RSPO2: variants seen among roughly 807,000 people sequenced by gnomAD.
RSPO2 encodes R-spondin 2, also known as R-spondin-2.
RSPO2 carries 14 observed loss-of-function variants against 30.9 expected under a neutral mutation model. The ratio of observed to expected loss-of-function variants is 0.45; its 90% CI spans 0.30 to 0.71. The LOEUF (loss-of-function observed/expected upper bound fraction) is 0.71, where lower values mean the gene tolerates loss of function less well. RSPO2 is among the 30% of genes least tolerant of loss of function. The pLI is 0.08. For missense variants in RSPO2, 264 were observed against 301.9 expected (o/e 0.87, Z 0.93); for synonymous variants, 107 against 96.4 (o/e 1.11, Z -0.64).
intron 2 of RSPO2, among the ~76,000 whole-genome samples, chr8:108,014,610 C>T (rs559979526): frequency 4.6e-5 from 7 of 151,972 alleles, no homozygotes; most frequent in South Asian, 4.2e-4. Flanking sequence ...AACTAAACAC[C>T]GCATGTTCTC....
intron 3 of RSPO2, among the ~76,000 whole-genome samples, chr8:107,982,009 C>CAAAAAAAAAAAAAAAAAAAA (rs372977834): frequency 1.6e-4 from 9 of 55,334 alleles, no homozygotes; most frequent in African/African-American, 3.2e-4. Context: ...ACAACAACAA[C>CAAAAAAAAAAAAAAAAAAAA]AAAAAAAAAA....
intron 3 of RSPO2, among the ~76,000 whole-genome samples, chr8:107,980,525 AT>A (rs1814389664): frequency 6.6e-6 from 1 of 152,222 alleles, no homozygotes; most frequent in Non-Finnish European, 1.5e-5. Context: ...CTAAAGTAAA[AT>A]AACTCTAATA....
chr8:107,945,212 T>C (rs1033090443), intron 5 of RSPO2, among the ~76,000 whole-genome samples: 1 of 151,608 alleles, frequency 6.6e-6, no homozygotes, highest in African/African-American at 2.4e-5. Flanking sequence ...TTACAGATTT[T>C]GATTTATCTC....
intron 2 of RSPO2, among the ~76,000 whole-genome samples, chr8:108,010,966 A>G (rs995273769): frequency 3.9e-5 from 6 of 152,102 alleles, no homozygotes; most frequent in Non-Finnish European, 7.4e-5. Flanking sequence ...TTGTCTCCAC[A>G]TACAAAAAAA....
chr8:108,078,666 CCCTT>C (rs1813089111), intron 2 of RSPO2, among the ~76,000 whole-genome samples: 1 of 152,154 alleles, frequency 6.6e-6, no homozygotes, highest in Non-Finnish European at 1.5e-5. Flanking sequence ...TTGTGACAAA[CCCTT>C]CCTTTTTATG....
intron 2 of RSPO2, among the ~76,000 whole-genome samples, chr8:107,995,913 A>C (rs534295494): frequency 6.6e-6 from 1 of 152,146 alleles, no homozygotes; most frequent in South Asian, 2.1e-4. Flanking sequence ...TTACACCTTA[A>C]TATTGCCAGA....
At chr8:108,006,339 TAA>T (rs533367762) in intron 2 of RSPO2, among the ~76,000 whole-genome samples, 2,191 of 152,168 alleles carry the variant, frequency 0.014, 60 homozygotes, top group African/African-American at 0.05. Flanking sequence ...ATGTGAAGGT[TAA>T]AGTTTCCTAA....
At chr8:108,024,283 CT>C (rs1414080846) in intron 2 of RSPO2, among the ~76,000 whole-genome samples, 1 of 152,160 alleles carries the variant, frequency 6.6e-6, no homozygotes, top group African/African-American at 2.4e-5. Flanking sequence ...CTACAGACTA[CT>C]GGAAGCAACC....
intron 4 of RSPO2, among the ~76,000 whole-genome samples, chr8:107,960,339 G>C (rs1330582894): frequency 1.3e-5 from 2 of 151,690 alleles, no homozygotes; most frequent in African/African-American, 4.8e-5. Context: ...TGATGTGGTA[G>C]TGCTTAAAAC....
intron 3 of RSPO2, 103 bp from the exon 4 acceptor site, chr8:107,960,920 T>C: frequency 6.3e-6 from 5 of 799,376 alleles, no homozygotes; most frequent in Non-Finnish European, 7.8e-6. Context: ...CATTTGAAAT[T>C]CTCATCATCA....
intron 2 of RSPO2, among the ~76,000 whole-genome samples, chr8:108,078,785 G>A (rs1449314544): frequency 3.3e-5 from 5 of 152,112 alleles, no homozygotes; most frequent in African/African-American, 9.7e-5. Flanking sequence ...GTCATAGCAC[G>A]CCCCCTGCCA....
rs373669868 is a variant in RSPO2, at chr8:107,978,803, C to G, written c.283+10253G>C. Among the ~76,000 whole-genome samples the G allele has an allele frequency of 3.0e-3, 451 of 152,202 alleles. 18 individuals are homozygous for G. The South Asian group carries it at 0.067, about 23-fold the overall frequency. ...TCATCTGACAAAGGGCTAATATCCA[C>G]AATCTACAATGAACTCAAACAAATT... On this transcript the variant is annotated intron_variant, in intron 3 of 5. Coordinates refer to ENST00000276659, the MANE Select transcript of RSPO2 (RefSeq NM_178565.5).
rs1814780969 is a variant in RSPO2 at position 107,989,727 on chromosome 8, A to G, written c.95-483T>C. ...ATAATTCATGAGACATCAGAACACC[A>G]AGTCCACAAGGCTGGGATCCAAATC... On this transcript the variant is annotated intron_variant, in intron 2 of 5. Transcript: ENST00000276659. Among the ~76,000 whole-genome samples, 3 of 152,216 alleles carry G rather than the reference A, an allele frequency of 2.0e-5. No individual in the cohort carries two copies. In the South Asian group the frequency reaches 6.2e-4, roughly 32 times the overall value.
At chr8:108,056,639 A>AAAAAAG (rs1812256195) in intron 2 of RSPO2, among the ~76,000 whole-genome samples, 1 of 149,040 alleles carries the variant, frequency 6.7e-6, no homozygotes, top group Non-Finnish European at 1.5e-5. Flanking sequence ...AAAAAAAAAA[A>AAAAAAG]AAAAGAAAAG....
At chr8:108,064,292 G>A (rs1012498889) in intron 2 of RSPO2, among the ~76,000 whole-genome samples, 1 of 152,042 alleles carries the variant, frequency 6.6e-6, no homozygotes, top group Non-Finnish European at 1.5e-5. Flanking sequence ...CTGACAAAGG[G>A]CTAATATCCA....
chr8:107,931,757 ATTAAATC>A (rs1374050386), intron 5 of RSPO2, among the ~76,000 whole-genome samples: 3 of 152,180 alleles, frequency 2.0e-5, no homozygotes, highest in African/African-American at 7.2e-5. Context: ...ATAGCCAGAT[ATTAAATC>A]TTAAGTTCAG....
intron 2 of RSPO2, among the ~76,000 whole-genome samples, chr8:108,053,357 T>C (rs1411131846): frequency 6.6e-6 from 1 of 152,118 alleles, no homozygotes; most frequent in Non-Finnish European, 1.5e-5. Context: ...CTTAAAAGAG[T>C]TGGAAATCCT....
At chr8:107,907,624 G>C (rs1008910123) in intron 5 of RSPO2, among the ~76,000 whole-genome samples, 1 of 152,040 alleles carries the variant, frequency 6.6e-6, no homozygotes, top group South Asian at 2.1e-4. Flanking sequence ...ACTATTGATA[G>C]AGGGTGACAA....
At position 107,930,080 on chromosome 8, in the gene RSPO2, C is replaced by A. The variant is rs532617630; in HGVS notation, c.616+28000G>T. ...CTTAGTGGACTGACATTATCAACAT[C>A]ATTGCTAATTACCATTAATATGCGC... On this transcript the variant is annotated intron_variant, in intron 5 of 5. Coordinates refer to ENST00000276659, the MANE Select transcript of RSPO2 (RefSeq NM_178565.5). 3.8e-4 allele frequency among the ~76,000 whole-genome samples: 58 copies of A among 152,298 alleles called. No individual in the cohort carries two copies. In the South Asian group the frequency reaches 0.011, roughly 28 times the overall value.
Sources: allele counts gnomAD v4.1 joint callset (sites outside exome capture counted in the v4.1 genomes callset), GRCh38; gene constraint gnomAD v4.1.1; transcripts MANE v1.5; gene names NCBI Gene and HGNC (gene_info 2026-07-23, HGNC 2026-07-21).